GRK5: variants seen among roughly 807,000 people sequenced by gnomAD.
The protein encoded by GRK5 is g protein-coupled receptor kinase GRK5.
GRK5 carries 40 observed loss-of-function variants against 78.4 expected under a neutral mutation model. The ratio of observed to expected loss-of-function variants is 0.51; its 90% confidence interval spans 0.40 to 0.66. GRK5 has a LOEUF of 0.66. Among genes scored for constraint, GRK5 ranks in the 30% least tolerant of loss-of-function variants. The pLI, the probability that GRK5 is intolerant of heterozygous loss-of-function variation, is 0.00. For synonymous variants in GRK5, 289 were observed against 296.8 expected (o/e 0.97, Z 0.27); for missense variants, 598 against 759.9 (o/e 0.79, Z 2.50).
At chr10:119,282,074 C>G (rs1394054433) in intron 1 of GRK5, among the ~76,000 whole-genome samples, 3 of 152,096 alleles carry the variant, frequency 2.0e-5, no homozygotes, top group Non-Finnish European at 4.4e-5. Flanking sequence ...TCTGTGTGAT[C>G]TCCCCATGCC....
intron 5 of GRK5, 87 bp downstream of exon 5, chr10:119,423,353 G>C (rs1162265517): frequency 9.1e-6 from 8 of 878,010 alleles, no homozygotes; most frequent in Non-Finnish European, 1.5e-5. Flanking sequence ...ACAGGGCACT[G>C]AGGCAGGTCT....
rs1373637833 is a variant in GRK5, at chr10:119,457,421, C to T, written c.*2354C>T. On this transcript the variant is annotated 3_prime_UTR_variant, in exon 16 of 16. Coordinates refer to ENST00000392870, the MANE Select transcript of GRK5 (RefSeq NM_005308.3). ...CATGAGAGCTCTGGCGATACTACCA[C>T]AAGGCCTGCACGTGGACTCTATGAT... 1.3e-5 allele frequency: 2 copies of T among 152,222 alleles called. No homozygotes were observed. The highest frequency in any genetic ancestry group is 2.9e-5 in the Non-Finnish European group (2 of 68,060). 9.4% of individuals were successfully genotyped at this position (152,222 alleles called of 1,614,324 possible).
chr10:119,441,915 G>C, intron 10 of GRK5, 84 bp from the exon 11 acceptor site: 1 of 1,041,406 alleles, frequency 9.6e-7, no homozygotes, highest in East Asian at 2.4e-5. Flanking sequence ...CCGAGAGCTC[G>C]TATGCCTTGC....
intron 1 of GRK5, among the ~76,000 whole-genome samples, chr10:119,247,561 C>G (rs188740555): frequency 6.6e-6 from 1 of 152,206 alleles, no homozygotes; most frequent in Non-Finnish European, 1.5e-5. Flanking sequence ...AGGTCATGCA[C>G]ATGTTTAATA....
intron 2 of GRK5, among the ~76,000 whole-genome samples, chr10:119,361,829 C>T (rs1202544855): frequency 6.6e-6 from 1 of 151,984 alleles, no homozygotes; most frequent in African/African-American, 2.4e-5. Context: ...GGCGTAGTGG[C>T]GTGCACCTGT....
At chr10:119,300,445 C>T (rs1454491805) in intron 1 of GRK5, among the ~76,000 whole-genome samples, 1 of 152,190 alleles carries the variant, frequency 6.6e-6, no homozygotes, top group African/African-American at 2.4e-5. Flanking sequence ...AGTGGGTAAG[C>T]AGTCTGTATA....
intron 2 of GRK5, among the ~76,000 whole-genome samples, chr10:119,326,921 G>A (rs1175087944): frequency 6.6e-6 from 1 of 152,262 alleles, no homozygotes; most frequent in Non-Finnish European, 1.5e-5. Flanking sequence ...GGGAAACTGA[G>A]GCACAGAGTG....
At chr10:119,213,553 T>A (rs1848523008) in intron 1 of GRK5, among the ~76,000 whole-genome samples, 1 of 152,108 alleles carries the variant, frequency 6.6e-6, no homozygotes, top group African/African-American at 2.4e-5. Flanking sequence ...TGGCCTTAAA[T>A]AATAGGGTTG....
At chr10:119,299,319 C>T (rs567343110) in intron 1 of GRK5, among the ~76,000 whole-genome samples, 151 of 151,956 alleles carry the variant, frequency 9.9e-4, no homozygotes, top group Non-Finnish European at 6.5e-4. Flanking sequence ...TGGCGGGCAC[C>T]TGTAATTCCA....
At chr10:119,437,757 A>G (rs541931753) in intron 9 of GRK5, among the ~76,000 whole-genome samples, 13 of 152,344 alleles carry the variant, frequency 8.5e-5, no homozygotes, top group South Asian at 8.3e-4. Context: ...ATAGATACAT[A>G]CAAGAGTTTT....
chr10:119,452,703 C>T lies in GRK5; in HGVS notation c.1437C>T (p.Asp479=). Residue 479 remains aspartate, a synonymous_variant, in exon 14 of 16, where the codon GAC becomes GAT. Transcript: ENST00000392870. This position sits in a 1 kb window ranked among gnomAD's most constrained non-coding sequence, Gnocchi z 4.4. ...PRAVYCKDVL[D]IEQFSTVKGV... ...CTGTGTACTGTAAGGACGTGCTGGA[C>T]ATCGAGCAGTTCTCCACTGTGAAGG... 6.2e-7 allele frequency: 1 copy of T among 1,614,172 alleles called. No individual in the cohort carries two copies. Among genetic ancestry groups the T allele is most frequent in the South Asian group, 1.1e-5 (1 of 91,090 alleles).
intron 1 of GRK5, among the ~76,000 whole-genome samples, chr10:119,322,890 G>T (rs1850610469): frequency 6.6e-6 from 1 of 152,198 alleles, no homozygotes; most frequent in African/African-American, 2.4e-5. Flanking sequence ...ATAGCTAAAA[G>T]GTAGAAACAG....
chr10:119,224,160 C>A (rs1848698856), intron 1 of GRK5, among the ~76,000 whole-genome samples: 1 of 151,966 alleles, frequency 6.6e-6, no homozygotes, highest in African/African-American at 2.4e-5. Flanking sequence ...AGAGTGAGAC[C>A]CTGTCTCTTA....
intron 5 of GRK5, 58 bp downstream of exon 5, chr10:119,423,324 C>A: frequency 1.7e-6 from 2 of 1,191,482 alleles, no homozygotes. Flanking sequence ...TGGGATGCCG[C>A]AGCTCTCCAC....
chr10:119,334,384 C>T (rs1029708533), intron 2 of GRK5: 7 of 155,480 alleles, frequency 4.5e-5, no homozygotes, highest in African/African-American at 9.7e-5. Flanking sequence ...TATGAACTAA[C>T]GGATTTTCAA....
chr10:119,282,576 G>A (rs1849779766), intron 1 of GRK5, among the ~76,000 whole-genome samples: 1 of 152,234 alleles, frequency 6.6e-6, no homozygotes, highest in African/African-American at 2.4e-5. Flanking sequence ...GCCCTGGATG[G>A]GCTCATGGGC....
At chr10:119,209,305 G>T (rs1168124125) in intron 1 of GRK5, among the ~76,000 whole-genome samples, 2 of 152,092 alleles carry the variant, frequency 1.3e-5, no homozygotes, top group African/African-American at 2.4e-5. Flanking sequence ...AGCAGCCAGT[G>T]GGCAAGAAGG....
intron 1 of GRK5, among the ~76,000 whole-genome samples, chr10:119,282,878 G>A (rs888615970): frequency 6.6e-6 from 1 of 152,234 alleles, no homozygotes; most frequent in Non-Finnish European, 1.5e-5. Context: ...AGGACTAGGT[G>A]AGGCCGGAGG....
intron 3 of GRK5, among the ~76,000 whole-genome samples, chr10:119,395,814 G>A (rs76475703): frequency 1.3e-5 from 2 of 152,076 alleles, no homozygotes; most frequent in Admixed American, 6.5e-5. Context: ...GAAGCCCTGC[G>A]CTTGGAGGTT....
Sources: gnomAD v4.1 joint callset for allele counts (sites outside exome capture counted in the v4.1 genomes callset) on GRCh38, gnomAD v4.1.1 for gene constraint, Gnocchi (gnomAD v3.1) non-coding constraint, MANE v1.5 for transcripts, NCBI Gene and HGNC (gene_info 2026-07-23, HGNC 2026-07-21) for gene names.